Variants in GNA14 observed in about 807,000 individuals in gnomAD.
GNA14 encodes guanine nucleotide-binding protein subunit alpha-14.
Under a neutral mutation model 42.0 loss-of-function variants are expected in GNA14, and 50 were observed. That is an observed-to-expected ratio of 1.19 (90% confidence interval 0.95 to 1.51). The LOEUF is 1.51. Among genes scored for constraint, GNA14 ranks in the 40% most tolerant of loss-of-function variants. The pLI is 0.00. For missense variants in GNA14, 473 were observed against 446.2 expected, an observed-to-expected ratio of 1.06 and a Z score of -0.54; for synonymous variants, 173 against 163.1, an observed-to-expected ratio of 1.06 and a Z score of -0.46.
chr9:77,539,562 G>C (rs1837635375), intron 1 of GNA14, among the ~76,000 whole-genome samples: 1 of 152,114 alleles, frequency 6.6e-6, no homozygotes, highest in African/African-American at 2.4e-5. Flanking sequence ...CAATCTTTTG[G>C]AATAGTTTCA....
At chr9:77,603,977 A>G (rs1452411717) in intron 1 of GNA14, among the ~76,000 whole-genome samples, 3 of 145,248 alleles carry the variant, frequency 2.1e-5, no homozygotes, top group African/African-American at 7.5e-5. Context: ...AAAAAAAAAA[A>G]AAAACACCTC....
intron 2 of GNA14, among the ~76,000 whole-genome samples, chr9:77,462,603 C>T (rs1836127137): frequency 6.6e-6 from 1 of 151,952 alleles, no homozygotes; most frequent in Non-Finnish European, 1.5e-5. Context: ...TGCCTGTAAT[C>T]CCGGCTACTC....
intron 3 of GNA14, among the ~76,000 whole-genome samples, chr9:77,432,420 G>A (rs1835571410): frequency 1.3e-5 from 2 of 152,138 alleles, no homozygotes; most frequent in Admixed American, 6.5e-5. Context: ...ACTTTGATGT[G>A]TAATTATTTG....
At chr9:77,625,559 A>G (rs1260637493) in intron 1 of GNA14, among the ~76,000 whole-genome samples, 2 of 152,220 alleles carry the variant, frequency 1.3e-5, no homozygotes, top group East Asian at 1.9e-4. Context: ...CTATAAGCCA[A>G]AAGAGAGTGG....
At chr9:77,489,784 C>T (rs61572058) in intron 2 of GNA14, among the ~76,000 whole-genome samples, 2 of 152,196 alleles carry the variant, frequency 1.3e-5, no homozygotes, top group African/African-American at 4.8e-5. Flanking sequence ...AGGACTGAAG[C>T]TGCAGATCTT....
chr9:77,452,596 G>GTGGTGT (rs1564018331), intron 2 of GNA14, among the ~76,000 whole-genome samples: 6 of 1,830 alleles, frequency 3.3e-3, no homozygotes, highest in East Asian at 0.062. Flanking sequence ...GTGTGTGTGT[G>GTGGTGT]GTGTGTATGT....
At chr9:77,605,312 G>T (rs1054306060) in intron 1 of GNA14, among the ~76,000 whole-genome samples, 1 of 152,180 alleles carries the variant, frequency 6.6e-6, no homozygotes, top group African/African-American at 2.4e-5. Flanking sequence ...ACTTCAACAC[G>T]TAAGTGCTTG....
At chr9:77,445,719 G>C (rs1645386702) in intron 2 of GNA14, among the ~76,000 whole-genome samples, 1 of 152,040 alleles carries the variant, frequency 6.6e-6, no homozygotes. Flanking sequence ...TCCAGCCTGG[G>C]CAACAGCGAG....
chr9:77,533,267 G>A (rs781126585), intron 1 of GNA14, among the ~76,000 whole-genome samples: 1 of 152,254 alleles, frequency 6.6e-6, no homozygotes, highest in East Asian at 1.9e-4. Context: ...TGTAACCTCC[G>A]CCTCTGGGTT....
At chr9:77,615,198 C>T (rs980273018) in intron 1 of GNA14, among the ~76,000 whole-genome samples, 2 of 152,142 alleles carry the variant, frequency 1.3e-5, no homozygotes, top group African/African-American at 4.8e-5. Context: ...TAACCAGCCA[C>T]TTGATTCCTT....
intron 1 of GNA14, among the ~76,000 whole-genome samples, chr9:77,578,230 C>T (rs970823830): frequency 2.0e-5 from 3 of 152,182 alleles, no homozygotes; most frequent in Non-Finnish European, 2.9e-5. Context: ...GAGCCGAGAT[C>T]GTGCCATTAC....
At chr9:77,589,199 T>C in intron 1 of GNA14, among the ~76,000 whole-genome samples, 1 of 152,208 alleles carries the variant, frequency 6.6e-6, no homozygotes, top group East Asian at 1.9e-4. Context: ...CAAGCCAAAC[T>C]GGCCTGACAA....
intron 2 of GNA14, among the ~76,000 whole-genome samples, chr9:77,477,458 T>C (rs536885919): frequency 1.3e-5 from 2 of 152,164 alleles, no homozygotes; most frequent in East Asian, 1.9e-4. Context: ...GCAGCCAGAG[T>C]TGAAATCAGA....
At chr9:77,581,718 C>T (rs1022724177) in intron 1 of GNA14, among the ~76,000 whole-genome samples, 1 of 152,224 alleles carries the variant, frequency 6.6e-6, no homozygotes, top group Non-Finnish European at 1.5e-5. Flanking sequence ...GGCCCAGTCA[C>T]AGAATCCTTA....
At chr9:77,567,466 G>A (rs1433377992) in intron 1 of GNA14, among the ~76,000 whole-genome samples, 2 of 152,128 alleles carry the variant, frequency 1.3e-5, no homozygotes, top group Non-Finnish European at 2.9e-5. Flanking sequence ...ATGCAGTATA[G>A]CAGGCAAAAT....
chr9:77,597,881 G>A (rs892619445), intron 1 of GNA14, among the ~76,000 whole-genome samples: 1 of 151,878 alleles, frequency 6.6e-6, no homozygotes, highest in Non-Finnish European at 1.5e-5. Context: ...GGCCAACATG[G>A]TGAAACCCCA....
intron 1 of GNA14, among the ~76,000 whole-genome samples, chr9:77,581,682 G>C (rs761803901): frequency 6.6e-6 from 1 of 152,152 alleles, no homozygotes; most frequent in East Asian, 1.9e-4. Flanking sequence ...AAACAAGGCA[G>C]GTCACTGAAG....
intron 1 of GNA14, among the ~76,000 whole-genome samples, chr9:77,583,126 A>G (rs894257156): frequency 1.3e-5 from 2 of 152,220 alleles, no homozygotes; most frequent in Admixed American, 1.3e-4. Context: ...TAGGCACAAG[A>G]ACTTCACCCT....
chr9:77,457,318 C>T (rs1836018976), intron 2 of GNA14, among the ~76,000 whole-genome samples: 1 of 152,236 alleles, frequency 6.6e-6, no homozygotes, highest in Non-Finnish European at 1.5e-5. Context: ...TTATCACCAA[C>T]ACAAAATGCC....
Sources: allele counts gnomAD v4.1 joint callset (sites outside exome capture counted in the v4.1 genomes callset), GRCh38; gene constraint gnomAD v4.1.1; transcripts MANE v1.5; gene names NCBI Gene and HGNC (gene_info 2026-07-23, HGNC 2026-07-21).